Variants in C12orf42 observed in about 807,000 individuals in gnomAD.
C12orf42 encodes the protein uncharacterized protein C12orf42.
Under a neutral mutation model 21.6 loss-of-function variants are expected in C12orf42, and 25 were observed. The ratio of observed to expected loss-of-function variants is 1.16; its 90% confidence interval spans 0.84 to 1.62. The LOEUF (loss-of-function observed/expected upper bound fraction) is 1.62, where lower values mean the gene tolerates loss of function less well. Among genes scored for constraint, C12orf42 ranks in the 40% most tolerant of loss-of-function variants. The pLI, the probability that C12orf42 is intolerant of heterozygous loss-of-function variation, is 0.00. For missense variants in C12orf42, 483 were observed against 459.3 expected, an observed-to-expected ratio of 1.05 and a Z score of -0.47; for synonymous variants, 174 against 175.0, an observed-to-expected ratio of 0.99 and a Z score of 0.05.
At chr12:103,562,610 C>T in the C12orf42 span, among the ~76,000 whole-genome samples, 3 of 152,148 alleles carry the variant, frequency 2.0e-5, no homozygotes, top group African/African-American at 7.2e-5. Flanking sequence ...ACACTCAGCA[C>T]CAACATGATT....
the C12orf42 span, among the ~76,000 whole-genome samples, chr12:103,051,505 T>C: frequency 5.9e-5 from 9 of 152,236 alleles, no homozygotes; most frequent in Admixed American, 2.0e-4. Context: ...TTTACTTTTC[T>C]GAACTCCCTA....
At chr12:103,290,652 T>C (rs1320006024) in intron 4 of C12orf42, among the ~76,000 whole-genome samples, 1 of 152,200 alleles carries the variant, frequency 6.6e-6, no homozygotes, top group Non-Finnish European at 1.5e-5. Context: ...GATTAATTAA[T>C]GGACAGTTTG....
intron 4 of C12orf42, among the ~76,000 whole-genome samples, chr12:103,306,952 T>C (rs902197462): frequency 1.3e-5 from 2 of 152,008 alleles, no homozygotes; most frequent in Non-Finnish European, 2.9e-5. Context: ...CAGGGACAGA[T>C]ATTGGAGATA....
chr12:103,232,118 G>A, the C12orf42 span, among the ~76,000 whole-genome samples: 4 of 152,248 alleles, frequency 2.6e-5, no homozygotes, highest in Non-Finnish European at 4.4e-5. Flanking sequence ...TGATAAGTCT[G>A]TTTAGGTCTT....
chr12:103,494,158 C>T (rs1173494951), intron 1 of C12orf42, among the ~76,000 whole-genome samples: 1 of 152,206 alleles, frequency 6.6e-6, no homozygotes, highest in Non-Finnish European at 1.5e-5. Context: ...CATTTCTCCA[C>T]AATAGCCTGG....
chr12:103,087,618 T>C, the C12orf42 span, among the ~76,000 whole-genome samples: 22 of 152,232 alleles, frequency 1.4e-4, no homozygotes, highest in Non-Finnish European at 2.6e-4. Context: ...TGAGCACTTA[T>C]ATGGGCCAGG....
downstream of C12orf42, among the ~76,000 whole-genome samples, chr12:103,300,236 G>C (rs961863078): frequency 6.6e-6 from 1 of 152,088 alleles, no homozygotes; most frequent in East Asian, 1.9e-4. Context: ...ATTAAATAAG[G>C]TTGCTAGACA....
At chr12:103,243,731 T>C (rs1042041534) in intron 10 of C12orf42, among the ~76,000 whole-genome samples, 2 of 152,180 alleles carry the variant, frequency 1.3e-5, no homozygotes, top group Admixed American at 6.6e-5. Flanking sequence ...ATAAAAATGC[T>C]CAGATTTATC....
Position 103,459,173 on chromosome 12 carries a change from C to T in C12orf42, c.78+19176G>A, listed in dbSNP as rs997544269. On this transcript the variant is annotated intron_variant, in intron 2 of 5. Coordinates refer to ENST00000548883, the MANE Select transcript of C12orf42 (RefSeq NM_198521.5). ...TTTCCCAGGAAGGGCTCATCTCAGT[C>T]TCTCTGCCATACTTGGCCACGGGCT... Among the ~76,000 whole-genome samples the T allele has an allele frequency of 8.5e-5, 13 of 152,314 alleles. 1 individual carries two copies. Among genetic ancestry groups the T allele is most frequent in the Admixed American group, 2.6e-4 (4 of 15,296 alleles).
chr12:103,065,951 A>C, the C12orf42 span, among the ~76,000 whole-genome samples: 1 of 152,168 alleles, frequency 6.6e-6, no homozygotes, highest in Admixed American at 6.5e-5. Context: ...CTGCTGTATA[A>C]GCTGCTCTGC....
At chr12:103,317,157 C>G (rs7975966) in intron 4 of C12orf42, among the ~76,000 whole-genome samples, 3,437 of 152,248 alleles carry the variant, frequency 0.023, 145 homozygotes, top group African/African-American at 0.078. Context: ...CTGATATCTG[C>G]CATGGATGTG....
chr12:103,352,124 A>C (rs551957655), intron 4 of C12orf42, among the ~76,000 whole-genome samples: 8 of 151,704 alleles, frequency 5.3e-5, no homozygotes, highest in African/African-American at 1.9e-4. Context: ...TTCTTCTCTT[A>C]CTCTTGGAAT....
chr12:103,252,517 TTTTGA>T (rs2034359992), intron 10 of C12orf42, among the ~76,000 whole-genome samples: 1 of 152,246 alleles, frequency 6.6e-6, no homozygotes, highest in Non-Finnish European at 1.5e-5. Flanking sequence ...CCCATTGCAG[TTTTGA>T]TTTGCATGTT....
At chr12:103,069,717 G>T in the C12orf42 span, among the ~76,000 whole-genome samples, 28 of 152,264 alleles carry the variant, frequency 1.8e-4, 1 homozygote, top group African/African-American at 6.7e-4. Context: ...AGACCAACTA[G>T]CTAGGTCTCT....
chr12:103,267,012 C>A (rs572906850), downstream of C12orf42, among the ~76,000 whole-genome samples: 25 of 152,072 alleles, frequency 1.6e-4, no homozygotes, highest in Non-Finnish European at 3.2e-4. Flanking sequence ...CTTCCAAATC[C>A]GGAAACAAGC....
At chr12:103,347,760 T>C (rs1455782894) in intron 4 of C12orf42, among the ~76,000 whole-genome samples, 6 of 152,042 alleles carry the variant, frequency 3.9e-5, no homozygotes, top group Admixed American at 1.3e-4. Flanking sequence ...CTCTGCGAGA[T>C]TAACAAAGGA....
the C12orf42 span, among the ~76,000 whole-genome samples, chr12:103,223,221 G>A: frequency 1.3e-5 from 2 of 152,144 alleles, no homozygotes; most frequent in South Asian, 4.1e-4. Context: ...GAGAGAATGG[G>A]CGATGTTTCT....
In C12orf42 at chr12:103,343,231, T is replaced by G. The variant is rs74241048; in HGVS notation, c.259+25656A>C. On this transcript the variant is annotated intron_variant, in intron 4 of 5. Coordinates refer to ENST00000548883, the MANE Select transcript of C12orf42 (RefSeq NM_198521.5). ...TATCTTCCTTTAATTTTTTTCTATA[T>G]AGGTATTTAAATCGCAAAATCAATT... Among the ~76,000 whole-genome samples, 1,985 of 152,298 alleles carry G rather than the reference T, an allele frequency of 0.013. 130 individuals are homozygous for G. In the East Asian group the frequency reaches 0.22, roughly 17 times the overall value.
chr12:103,425,834 A>G (rs1000560872), intron 2 of C12orf42, among the ~76,000 whole-genome samples: 2 of 152,286 alleles, frequency 1.3e-5, no homozygotes, highest in East Asian at 3.9e-4. Context: ...CAGTCTGGCT[A>G]CAGTGGCTTT....
Sources: gnomAD v4.1 joint callset for allele counts (sites outside exome capture counted in the v4.1 genomes callset) on GRCh38, gnomAD v4.1.1 for gene constraint, MANE v1.5 for transcripts, NCBI Gene and HGNC (gene_info 2026-07-23, HGNC 2026-07-21) for gene names.